The following SYT14 variants were observed in gnomAD, a reference collection of about 807,000 sequenced individuals.
The protein encoded by SYT14 is synaptotagmin-14.
Under a neutral mutation model 74.2 loss-of-function variants are expected in SYT14, and 32 were observed. The observed-to-expected ratio is 0.43, with a 90% confidence interval of 0.33 to 0.58. SYT14 has a LOEUF of 0.58. Among genes scored for constraint, SYT14 ranks in the 20% least tolerant of loss-of-function variants. The pLI, the probability that SYT14 is intolerant of heterozygous loss-of-function variation, is 0.05. For missense variants in SYT14, 791 were observed against 981.8 expected (o/e 0.81, Z 2.60); for synonymous variants, 298 against 337.7 (o/e 0.88, Z 1.29).
chr1:210,016,913 A>C, exon 4 of SYT14: 1 of 1,231,654 alleles, frequency 8.1e-7, no homozygotes, highest in Non-Finnish European at 1.0e-6. Context: ...AAAAGAAGAC[A>C]TACATCCAGC....
At chr1:210,157,420 T>A (rs2083290321) in intron 8 of SYT14, among the ~76,000 whole-genome samples, 1 of 142,672 alleles carries the variant, frequency 7.0e-6, no homozygotes, top group African/African-American at 2.7e-5. Flanking sequence ...CCAGCCTGGG[T>A]GACAGAGCAA....
chr1:210,007,069 C>T (rs1045834562), intron 2 of SYT14, among the ~76,000 whole-genome samples: 2 of 151,640 alleles, frequency 1.3e-5, no homozygotes, highest in Admixed American at 1.3e-4. Context: ...CAATGACCAA[C>T]TTATCTGTAG....
At chr1:210,003,414 C>T (rs2079936219) in intron 2 of SYT14, among the ~76,000 whole-genome samples, 1 of 152,124 alleles carries the variant, frequency 6.6e-6, no homozygotes, top group Non-Finnish European at 1.5e-5. Context: ...ACTCTAATAC[C>T]AGGAAGATGT....
At chr1:210,030,142 T>TTGTTTA (rs1349226310) in intron 5 of SYT14, among the ~76,000 whole-genome samples, 1 of 151,940 alleles carries the variant, frequency 6.6e-6, no homozygotes, top group African/African-American at 2.4e-5. Context: ...TTTTTTGTTT[T>TTGTTTA]TGTTTTTGTT....
chr1:209,938,248 TCCATGGCGAGCGCA>T lies in SYT14; in HGVS notation c.-562_-549del. On this transcript the variant is annotated 5_prime_UTR_variant, in exon 1 of 10. The change abolishes an upstream ATG in the 5' untranslated region. Coordinates refer to ENST00000637265, the Ensembl canonical transcript of SYT14. The stretch of plus-strand genomic sequence containing the variant: ...TGCCCCCGCCATCCAGTTGGTGCGG[TCCATGGCGAGCGCA>T]TCATGGCGATTGAAGGTAAGTGGAG... 6.4e-7 allele frequency: 1 copy of T among 1,556,588 alleles called. No individual in the cohort carries two copies. Among genetic ancestry groups the T allele is most frequent in the Non-Finnish European group, 8.7e-7 (1 of 1,148,946 alleles).
At chr1:210,130,372 T>G (rs1413696) in intron 7 of SYT14, among the ~76,000 whole-genome samples, 5 of 152,086 alleles carry the variant, frequency 3.3e-5, no homozygotes, top group South Asian at 2.1e-4. Context: ...AAAAAAATGG[T>G]TTTTTTTCCA....
chr1:209,973,529 A>G (rs2079297234), intron 2 of SYT14, among the ~76,000 whole-genome samples: 1 of 152,184 alleles, frequency 6.6e-6, no homozygotes, highest in Non-Finnish European at 1.5e-5. Flanking sequence ...TGTCCCTACA[A>G]AGGACATGAA....
At chr1:210,038,363 C>CAAT in intron 5 of SYT14, among the ~76,000 whole-genome samples, 1 of 152,092 alleles carries the variant, frequency 6.6e-6, no homozygotes, top group East Asian at 1.9e-4. Context: ...ATGTTTTTTA[C>CAAT]AAATCTGTTC....
At chr1:210,139,090 A>ATT (rs11365249) in intron 7 of SYT14, among the ~76,000 whole-genome samples, 13 of 135,216 alleles carry the variant, frequency 9.6e-5, no homozygotes, top group Admixed American at 8.2e-4. Context: ...GAGTACTTTT[A>ATT]TTTTTTTTTT....
At chr1:210,086,224 G>C (rs2081726231) in intron 5 of SYT14, among the ~76,000 whole-genome samples, 1 of 152,104 alleles carries the variant, frequency 6.6e-6, no homozygotes, top group East Asian at 1.9e-4. Context: ...TGTTCACTTT[G>C]ATCTCTAGTT....
At chr1:210,163,364 AC>A (rs2083412059) in exon 10 of SYT14, 1 of 453,588 alleles carries the variant, frequency 2.2e-6, no homozygotes, top group Non-Finnish European at 4.4e-6. Flanking sequence ...AAATTAATAA[AC>A]AGTTTTTTAA....
chr1:210,098,088 T>G (rs1291459958), intron 6 of SYT14, among the ~76,000 whole-genome samples: 1 of 151,658 alleles, frequency 6.6e-6, no homozygotes, highest in Non-Finnish European at 1.5e-5. Context: ...GGCAGGAGGA[T>G]CACTTGAGCA....
intron 9 of SYT14, 148 bp from the exon 9 acceptor site, chr1:210,160,581 A>T (rs2083353073): frequency 1.4e-6 from 1 of 706,698 alleles, no homozygotes; most frequent in African/African-American, 1.8e-5. Flanking sequence ...AAGCATCTAC[A>T]TCAAAATGGA....
chr1:209,961,570 G>C (rs1438474365), intron 2 of SYT14, among the ~76,000 whole-genome samples: 1 of 152,048 alleles, frequency 6.6e-6, no homozygotes, highest in Non-Finnish European at 1.5e-5. Context: ...AGGCTTATCT[G>C]TACTAATCTC....
chr1:210,027,655 G>GTAAGCTTTT (rs1029532040), intron 5 of SYT14, among the ~76,000 whole-genome samples: 13 of 152,102 alleles, frequency 8.5e-5, no homozygotes, highest in Non-Finnish European at 1.6e-4. Flanking sequence ...TAGATTTTGG[G>GTAAGCTTTT]TAAGCTTTTT....
At chr1:209,966,808 C>T (rs1286526288) in intron 2 of SYT14, among the ~76,000 whole-genome samples, 1 of 152,076 alleles carries the variant, frequency 6.6e-6, no homozygotes, top group African/African-American at 2.4e-5. Context: ...ATCTGGATGC[C>T]TTTTCTTTCT....
chr1:210,125,624 ACTCCAGCT>A (rs1362636006), intron 7 of SYT14, among the ~76,000 whole-genome samples: 1 of 152,110 alleles, frequency 6.6e-6, no homozygotes, highest in Non-Finnish European at 1.5e-5. Context: ...AAACCTTGCT[ACTCCAGCT>A]CTTCTAACAA....
At chr1:210,133,752 T>G (rs1190896276) in intron 7 of SYT14, among the ~76,000 whole-genome samples, 1 of 152,152 alleles carries the variant, frequency 6.6e-6, no homozygotes, top group Non-Finnish European at 1.5e-5. Flanking sequence ...GTACTAATTT[T>G]GATGTTTTTT....
intron 7 of SYT14, among the ~76,000 whole-genome samples, chr1:210,125,032 G>A (rs1376377029): frequency 2.0e-5 from 3 of 152,018 alleles, no homozygotes; most frequent in Non-Finnish European, 4.4e-5. Context: ...AAGTTCAAAC[G>A]AAAGATGTTT....
Sources: allele counts gnomAD v4.1 joint callset (sites outside exome capture counted in the v4.1 genomes callset), GRCh38; gene constraint gnomAD v4.1.1; transcripts MANE v1.5; gene names NCBI Gene and HGNC (gene_info 2026-07-23, HGNC 2026-07-21).